The following PKDCC variants were observed in gnomAD, a reference collection of about 807,000 sequenced individuals.
The protein encoded by PKDCC is protein kinase domain containing, cytoplasmic.
In PKDCC, 35 loss-of-function variants were observed where a neutral mutation model predicts 44.7. The observed-to-expected ratio is 0.78, with a 90% CI of 0.60 to 1.04. The LOEUF is 1.04. Among genes scored for constraint, PKDCC ranks in the 50% least tolerant of loss-of-function variants. PKDCC has a pLI of 0.00. For synonymous variants in PKDCC, 353 were observed against 303.3 expected (o/e 1.16, Z -1.70); for missense variants, 738 against 672.7 (o/e 1.10, Z -1.07).
In PKDCC at chr2:42,054,384, T is replaced by A; in HGVS notation, c.1034+77T>A. 1 of 1,491,866 alleles carries A rather than the reference T, an allele frequency of 6.7e-7. No individual in the cohort carries two copies. Among genetic ancestry groups the A allele is most frequent in the Non-Finnish European group, 9.0e-7 (1 of 1,108,506 alleles). The allele number at this position is 1,491,866 out of a possible 1,614,324, so 92.4% of individuals were successfully genotyped here. On this transcript the variant is annotated intron_variant, in intron 3 of 6. Transcript: ENST00000294964. This position sits in a 1 kb window ranked among gnomAD's most constrained non-coding sequence, Gnocchi z 6.1. ...GGGCATGGCAGGAAGAGAGCCAACG[T>A]GGAGGCCAGCTGGGCAGGGAGACTC... is the stretch of plus-strand genomic sequence containing the variant.
Position 42,055,170 on chromosome 2 carries a change from G to T in PKDCC, c.1115-116G>T, listed in dbSNP as rs558483231. 1.6e-6 allele frequency: 2 copies of T among 1,269,304 alleles called. No homozygotes were observed. Among genetic ancestry groups the T allele is most frequent in the Admixed American group, 2.0e-5 (1 of 50,050 alleles). 78.6% of individuals were successfully genotyped at this position (1,269,304 alleles called of 1,614,324 possible). Reference sequence around the variant, plus strand: ...TCTGCCGCAACCTCCCCGCTCCCCCGCCCTCTGTTCACTGGGGCACAGGCT... The same window carrying T: ...TCTGCCGCAACCTCCCCGCTCCCCCTCCCTCTGTTCACTGGGGCACAGGCT... On this transcript the variant is annotated intron_variant, in intron 4 of 6. Coordinates refer to ENST00000294964, the MANE Select transcript of PKDCC (RefSeq NM_138370.3). This position sits in a 1 kb window ranked among gnomAD's most constrained non-coding sequence, Gnocchi z 4.5.
chr2:42,048,646 C>T lies in PKDCC; in HGVS notation c.447C>T (p.Thr149=). The change falls in exon 1 of 7, where the codon ACC becomes ACT. Residue 149 remains threonine (T), a synonymous_variant. Transcript: ENST00000294964. The surrounding 1 kb of genome is among the most constrained non-coding windows in gnomAD (Gnocchi z 6.2). ...CGCAGTACATGGGCTCAGGCTACACCAAGGCCGTGTACCGGGTCCGCCTGC... is the reference window on the plus strand; with the variant it reads ...CGCAGTACATGGGCTCAGGCTACACTAAGGCCGTGTACCGGGTCCGCCTGC... The part of the protein sequence containing the change: ...SGAQYMGSGY[T]KAVYRVRLPG... 6.5e-7 allele frequency: 1 copy of T among 1,544,496 alleles called. No individual in the cohort carries two copies. The highest frequency in any genetic ancestry group is 8.7e-7 in the Non-Finnish European group (1 of 1,146,158).
rs565697609 is a variant in PKDCC, at chr2:42,054,456, A to C, written c.1034+149A>C. 1 of 946,950 alleles carries C rather than the reference A, an allele frequency of 1.1e-6. No individual in the cohort carries two copies. Among genetic ancestry groups the C allele is most frequent in the Admixed American group, 2.9e-5 (1 of 34,890 alleles). 58.7% of individuals were successfully genotyped at this position (946,950 alleles called of 1,614,324 possible). On this transcript the variant is annotated intron_variant, in intron 3 of 6. Coordinates refer to ENST00000294964, the MANE Select transcript of PKDCC (RefSeq NM_138370.3). The surrounding 1 kb of genome is among the most constrained non-coding windows in gnomAD (Gnocchi z 6.1). ...AGGCTTCTACCCTGTCCAGAAGGGA[A>C]CATTCAGGCCTCTGATGGAGAGGCT... is the stretch of plus-strand genomic sequence containing the variant.
At chr2:42,049,917 C>T (rs1470788542) in intron 1 of PKDCC, among the ~76,000 whole-genome samples, 1 of 152,192 alleles carries the variant, frequency 6.6e-6, no homozygotes, top group Non-Finnish European at 1.5e-5. Context: ...ACACCTTCCA[C>T]CTACCAGCCC....
At position 42,058,463 on chromosome 2, in the gene PKDCC, T is replaced by A. The variant is rs541982395; in HGVS notation, c.*775T>A. On this transcript the variant is annotated 3_prime_UTR_variant, in exon 7 of 7. Transcript: ENST00000294964. This position sits in a 1 kb window ranked among gnomAD's most constrained non-coding sequence, Gnocchi z 4.2. ...TGTACTTCTTGTTGGTTAAATTGTT[T>A]ATTTTTGTAAAAAATAAAATAAAAT... The A allele has an allele frequency of 1.2e-4, 19 of 152,588 alleles. No individual in the cohort carries two copies. Among genetic ancestry groups the A allele is most frequent in the African/African-American group, 4.3e-4 (18 of 41,568 alleles). 9.5% of individuals were successfully genotyped at this position (152,588 alleles called of 1,614,324 possible).
Position 42,055,392 on chromosome 2 carries a change from C to A in PKDCC, c.1221C>A (p.Thr407=), listed in dbSNP as rs142280977. The change falls in exon 5 of 7, where the codon ACC becomes ACA. Residue 407 remains threonine, a splice_region_variant and synonymous_variant. Transcript: ENST00000294964. This position sits in a 1 kb window ranked among gnomAD's most constrained non-coding sequence, Gnocchi z 4.5. ...YLQNSTASSS[T]EYQCIPDSTI... is the part of the protein sequence containing the mutation. Reference sequence around the variant, plus strand: ...AGAACTCCACGGCAAGCAGCAGTACCGGTGAGTGGCCCCAAGCTGATCCAC... The same window carrying A: ...AGAACTCCACGGCAAGCAGCAGTACAGGTGAGTGGCCCCAAGCTGATCCAC... The A allele has an allele frequency of 6.2e-7, 1 of 1,612,708 alleles. No individual in the cohort carries two copies. Among genetic ancestry groups the A allele is most frequent in the South Asian group, 1.1e-5 (1 of 90,710 alleles).
At chr2:42,050,725 A>G (rs1328627674) in intron 1 of PKDCC, among the ~76,000 whole-genome samples, 1 of 152,116 alleles carries the variant, frequency 6.6e-6, no homozygotes, top group Non-Finnish European at 1.5e-5. Context: ...CCAGGGCACA[A>G]GGGTTGCTAA....
chr2:42,048,220 A>C lies in PKDCC; in HGVS notation c.21A>C (p.Ala7=). The C allele has an allele frequency of 8.3e-7, 1 of 1,208,966 alleles. No individual in the cohort carries two copies. Among genetic ancestry groups the C allele is most frequent in the Non-Finnish European group, 1.0e-6 (1 of 964,096 alleles). The allele number at this position is 1,208,966 out of a possible 1,614,324, so 74.9% of individuals were successfully genotyped here. Residue 7 remains alanine (A), a synonymous_variant, in exon 1 of 7, where the codon GCA becomes GCC. Transcript: ENST00000294964. The surrounding 1 kb of genome is among the most constrained non-coding windows in gnomAD (Gnocchi z 6.2). MRRRRA[A]VAAGFCASFL... is the part of the protein sequence containing the mutation. Reference sequence around the variant, plus strand: ...GAGCGATGCGGCGCCGGCGGGCGGCAGTGGCCGCGGGTTTCTGCGCCTCCT... The same window carrying C: ...GAGCGATGCGGCGCCGGCGGGCGGCCGTGGCCGCGGGTTTCTGCGCCTCCT...
At position 42,048,445 on chromosome 2, in the gene PKDCC, G is replaced by C. The variant is rs1343095836; in HGVS notation, c.246G>C (p.Pro82=). 6 of 1,103,644 alleles carry C rather than the reference G, an allele frequency of 5.4e-6. No individual in the cohort carries two copies. Among genetic ancestry groups the C allele is most frequent in the Non-Finnish European group, 5.5e-6 (5 of 909,660 alleles). 68.4% of individuals were successfully genotyped at this position (1,103,644 alleles called of 1,614,324 possible). The part of the protein sequence containing the change: ...RGGPGPGAGR[P]ERRRLMDLAP... ...GCCCCGGGCCCGGGGCGGGCCGGCC[G>C]GAGCGGCGGCGCCTGATGGACCTGG... Residue 82 remains proline, a synonymous_variant, in exon 1 of 7, where the codon CCG becomes CCC. Transcript: ENST00000294964. This position sits in a 1 kb window ranked among gnomAD's most constrained non-coding sequence, Gnocchi z 6.2.
In PKDCC at chr2:42,048,411, C is replaced by T. The variant is rs1405122434; in HGVS notation, c.212C>T (p.Ser71Phe). The change falls in exon 1 of 7, where the codon TCC (serine) becomes TTC (phenylalanine). Residue 71 changes from serine to phenylalanine, a missense_variant. Transcript: ENST00000294964. This position sits in a 1 kb window ranked among gnomAD's most constrained non-coding sequence, Gnocchi z 6.2. ...CGCTACGAGGAGGTGCAGCGCTATT[C>T]CCGCGGGGGCCCCGGGCCCGGGGCG... Reference protein sequence around the residue: ...RARYEEVQRYSRGGPGPGAGR... With the variant: ...RARYEEVQRYFRGGPGPGAGR... 3.9e-5 allele frequency: 45 copies of T among 1,145,434 alleles called. No individual in the cohort carries two copies. The highest frequency in any genetic ancestry group is 4.3e-5 in the Non-Finnish European group (40 of 935,270). The allele number at this position is 1,145,434 out of a possible 1,614,324, so 71.0% of individuals were successfully genotyped here. A position where few individuals can be genotyped will look rare whatever the true frequency, so the allele number is the denominator to read the frequency against.
At chr2:42,049,254 T>C (rs1411469941) in intron 1 of PKDCC, among the ~76,000 whole-genome samples, 1 of 152,202 alleles carries the variant, frequency 6.6e-6, no homozygotes, top group Non-Finnish European at 1.5e-5. Flanking sequence ...CCCTTCTTGA[T>C]GGAACTTCTC....
Position 42,054,945 on chromosome 2 carries a change from T to G in PKDCC, c.1039T>G (p.Phe347Val). 6.2e-7 allele frequency: 1 copy of G among 1,613,762 alleles called. No homozygotes were observed. The highest frequency in any genetic ancestry group is 1.1e-5 in the South Asian group (1 of 91,076). The change falls in exon 4 of 7, where the codon TTC (phenylalanine) becomes GTC (valine). Residue 347 changes from phenylalanine (F) to valine (V), a missense_variant. Coordinates refer to ENST00000294964, the MANE Select transcript of PKDCC (RefSeq NM_138370.3). This position sits in a 1 kb window ranked among gnomAD's most constrained non-coding sequence, Gnocchi z 6.1. ...KRNLYNAYRFFFTYLLPHSAP... is the reference protein window; with the variant it reads ...KRNLYNAYRFVFTYLLPHSAP... ...ACTGGTTTCCCTCTGCCACAGGTTTTTCTTCACATACCTCCTGCCTCACAG... is the reference window on the plus strand; with the variant it reads ...ACTGGTTTCCCTCTGCCACAGGTTTGTCTTCACATACCTCCTGCCTCACAG...
Position 42,055,447 on chromosome 2 carries a change from A to T in PKDCC, c.1222+54A>T. The stretch of plus-strand genomic sequence containing the variant: ...AAGCAAGAAACAGGTGGGAGGGTGA[A>T]TGACCCCGCCCAATTAGGCTAAGTG... On this transcript the variant is annotated intron_variant, in intron 5 of 6. Coordinates refer to ENST00000294964, the MANE Select transcript of PKDCC (RefSeq NM_138370.3). The surrounding 1 kb of genome is among the most constrained non-coding windows in gnomAD (Gnocchi z 4.5). The T allele has an allele frequency of 6.5e-7, 1 of 1,530,512 alleles. No homozygotes were observed. The highest frequency in any genetic ancestry group is 9.0e-7 in the Non-Finnish European group (1 of 1,116,298). The allele number at this position is 1,530,512 out of a possible 1,614,324, so 94.8% of individuals were successfully genotyped here.
intron 1 of PKDCC, 44 bp from the exon 2 acceptor site, chr2:42,053,195 A>ACCC: frequency 5.5e-6 from 4 of 724,828 alleles, no homozygotes; most frequent in Non-Finnish European, 3.9e-6. Flanking sequence ...CCCTGTCCCC[A>ACCC]CCCCCACCCT....
rs1667903916 is a variant in PKDCC at position 42,048,339 on chromosome 2, C to T, written c.140C>T (p.Pro47Leu). The change falls in exon 1 of 7, where the codon CCG becomes CTG. Residue 47 changes from proline to leucine, a missense_variant. Physicochemically the swap from Pro to Leu is moderately conservative, Grantham distance 98. Transcript: ENST00000294964. The surrounding 1 kb of genome is among the most constrained non-coding windows in gnomAD (Gnocchi z 6.2). Reference protein sequence around the residue: ...QSPEPSPAPGPGRRGGRGELA... With the variant: ...QSPEPSPAPGLGRRGGRGELA... Reference sequence around the variant, plus strand: ...CCTGAGCCTTCGCCGGCCCCGGGTCCGGGCCGTCGCGGGGGCCGCGGGGAG... The same window carrying T: ...CCTGAGCCTTCGCCGGCCCCGGGTCTGGGCCGTCGCGGGGGCCGCGGGGAG... 1.7e-6 allele frequency: 2 copies of T among 1,165,642 alleles called. No homozygotes were observed. Among genetic ancestry groups the T allele is most frequent in the Non-Finnish European group, 2.1e-6 (2 of 945,750 alleles). 72.2% of individuals were successfully genotyped at this position (1,165,642 alleles called of 1,614,324 possible). A position where few individuals can be genotyped will look rare whatever the true frequency, so the allele number is the denominator to read the frequency against.
At chr2:42,056,139 G>A (rs1668050746) in intron 5 of PKDCC, among the ~76,000 whole-genome samples, 2 of 152,146 alleles carry the variant, frequency 1.3e-5, no homozygotes, top group Non-Finnish European at 2.9e-5. Flanking sequence ...TGTTTATGGG[G>A]CTGTAAATCA....
intron 6 of PKDCC, 42 bp from the exon 7 acceptor site, chr2:42,057,561 G>C: frequency 6.2e-7 from 1 of 1,600,862 alleles, no homozygotes; most frequent in Non-Finnish European, 8.5e-7. Context: ...CCTCCAGAAA[G>C]AGAAACATCC....
Position 42,048,349 on chromosome 2 carries a change from CG to C in PKDCC, c.155del (p.Gly52AlafsTer36). On this transcript the variant is annotated frameshift_variant, in exon 1 of 7. Coordinates refer to ENST00000294964, the MANE Select transcript of PKDCC (RefSeq NM_138370.3). LOFTEE classifies it high-confidence loss of function. This position sits in a 1 kb window ranked among gnomAD's most constrained non-coding sequence, Gnocchi z 6.2. ...CGCCGGCCCCGGGTCCGGGCCGTCG[CG>C]GGGGCCGCGGGGAGCTGGCCCGGCA... ...PSPAPGPGRR[G>X]GRGELARQIR... 8.7e-6 allele frequency: 10 copies of C among 1,155,822 alleles called. No homozygotes were observed. Among genetic ancestry groups the C allele is most frequent in the Admixed American group, 4.9e-5 (1 of 20,564 alleles). The allele number at this position is 1,155,822 out of a possible 1,614,324, so 71.6% of individuals were successfully genotyped here. A position where few individuals can be genotyped will look rare whatever the true frequency, so the allele number is the denominator to read the frequency against.
In PKDCC at chr2:42,048,929, G is replaced by C. The variant is rs1196365354; in HGVS notation, c.639+91G>C. The C allele has an allele frequency of 7.4e-7, 1 of 1,343,536 alleles. No homozygotes were observed. The highest frequency in any genetic ancestry group is 9.6e-7 in the Non-Finnish European group (1 of 1,043,406). 83.2% of individuals were successfully genotyped at this position (1,343,536 alleles called of 1,614,324 possible). A position where few individuals can be genotyped will look rare whatever the true frequency, so the allele number is the denominator to read the frequency against. ...CTGGAAGAGAACCCCTTGATCTGGA[G>C]TGCCAGTGACTGCACCCAGGCTAAG... On this transcript the variant is annotated intron_variant, in intron 1 of 6. Coordinates refer to ENST00000294964, the MANE Select transcript of PKDCC (RefSeq NM_138370.3). The surrounding 1 kb of genome is among the most constrained non-coding windows in gnomAD (Gnocchi z 6.2).
Sources: gnomAD v4.1 joint callset for allele counts (sites outside exome capture counted in the v4.1 genomes callset) on GRCh38, gnomAD v4.1.1 for gene constraint, Gnocchi (gnomAD v3.1) non-coding constraint, MANE v1.5 for transcripts, NCBI Gene and HGNC (gene_info 2026-07-23, HGNC 2026-07-21) for gene names.